DCHS2: variants seen among roughly 807,000 people sequenced by gnomAD.
DCHS2 encodes dachsous cadherin-related 2, also known as protocadherin-23.
Under a neutral mutation model 182.4 loss-of-function variants are expected in DCHS2, and 142 were observed. The observed-to-expected ratio is 0.78, with a 90% CI of 0.68 to 0.89. The LOEUF is 0.89. Among genes scored for constraint, DCHS2 ranks in the 40% least tolerant of loss-of-function variants. The pLI is 0.00. For missense variants in DCHS2, 4,319 were observed against 4,198.6 expected, an observed-to-expected ratio of 1.03 and a Z score of -0.79; for synonymous variants, 1,740 against 1,663.3, an observed-to-expected ratio of 1.05 and a Z score of -1.12.
At chr4:154,324,052 GTTAAACTT>G (rs1423058835) in intron 7 of DCHS2, among the ~76,000 whole-genome samples, 1 of 152,052 alleles carries the variant, frequency 6.6e-6, no homozygotes, top group Admixed American at 6.6e-5. Flanking sequence ...TGCTCGATGA[GTTAAACTT>G]TTATTTAACA....
chr4:154,462,240 T>C (rs959325395), intron 1 of DCHS2, among the ~76,000 whole-genome samples: 3 of 152,220 alleles, frequency 2.0e-5, no homozygotes, highest in East Asian at 1.9e-4. Flanking sequence ...ATAAATATTA[T>C]CTGACTCCTT....
chr4:154,285,552 A>G (rs1051731599), intron 13 of DCHS2, among the ~76,000 whole-genome samples: 3 of 152,190 alleles, frequency 2.0e-5, no homozygotes, highest in Non-Finnish European at 2.9e-5. Flanking sequence ...CAAGCTGAGT[A>G]AAGATTCCTT....
intron 1 of DCHS2, among the ~76,000 whole-genome samples, chr4:154,389,472 A>C (rs1195360826): frequency 7.5e-6 from 1 of 133,454 alleles, no homozygotes; most frequent in African/African-American, 2.7e-5. Context: ...CAGGTTTACT[A>C]TCCATGTATT....
chr4:154,305,203 G>T lies in DCHS2; in HGVS notation c.5289C>A (p.Ile1763=), dbSNP rs764272536. 3.7e-6 allele frequency: 6 copies of T among 1,611,580 alleles called. No homozygotes were observed. Among genetic ancestry groups the T allele is most frequent in the Non-Finnish European group, 5.1e-6 (6 of 1,179,200 alleles). ...ATAATTCAAATGAAGCACCTGGCAT[G>T]ATTTCAAACTGAAGCTTGGAATTGA... ...SGVNSKLQFE[I]MPGASFELFE... Residue 1763 remains isoleucine, a synonymous_variant, in exon 11 of 20, where the codon ATC becomes ATA. Coordinates refer to ENST00000357232, the MANE Select transcript of DCHS2 (RefSeq NM_001358235.2).
At chr4:154,411,591 C>CA (rs1424488252) in intron 1 of DCHS2, among the ~76,000 whole-genome samples, 147 of 143,904 alleles carry the variant, frequency 1.0e-3, no homozygotes, top group Middle Eastern at 3.4e-3. Flanking sequence ...GACTCCCTCT[C>CA]AAAAAAAAAA....
In DCHS2 at chr4:154,321,034, GTCTATT is replaced by G; in HGVS notation, c.4359_4364del (p.Glu1453_Ile1454del). ...AAAGAAACAAGTCTCCGGTTGAGCT[GTCTATT>G]TCAAAGTGTCCATCCTTATCATCTG... On this transcript the variant is annotated inframe_deletion, in exon 9 of 20. Coordinates refer to ENST00000357232, the MANE Select transcript of DCHS2 (RefSeq NM_001358235.2). 1 of 1,613,420 alleles carries G rather than the reference GTCTATT, an allele frequency of 6.2e-7. No individual in the cohort carries two copies.
At chr4:154,250,668 C>T (rs1732309678) in intron 16 of DCHS2, among the ~76,000 whole-genome samples, 1 of 152,106 alleles carries the variant, frequency 6.6e-6, no homozygotes, top group Non-Finnish European at 1.5e-5. Context: ...ATATTTGAAT[C>T]AATATTTTAG....
At chr4:154,348,408 G>A (rs899991095) in intron 3 of DCHS2, among the ~76,000 whole-genome samples, 13 of 151,904 alleles carry the variant, frequency 8.6e-5, no homozygotes, top group African/African-American at 4.9e-5. Flanking sequence ...GAAAAGAATC[G>A]AGTATTATTT....
intron 16 of DCHS2, among the ~76,000 whole-genome samples, chr4:154,248,519 A>G (rs1455876845): frequency 6.6e-6 from 1 of 152,160 alleles, no homozygotes; most frequent in Non-Finnish European, 1.5e-5. Flanking sequence ...TTTTTAAAAA[A>G]TGTATATATT....
rs1185840282 is a variant in DCHS2, at chr4:154,236,980, G to C, written c.7672C>G (p.Leu2558Val). The stretch of plus-strand genomic sequence containing the variant: ...CTTCCAACCAGAGCATCCTCACTTA[G>C]GCTAAGATTATAGGATTTGACTGTG... Reference protein sequence around the residue: ...EFTVKSYNLSLSEDALVGSTL... With the variant: ...EFTVKSYNLSVSEDALVGSTL... Residue 2558 changes from leucine (L) to valine (V), a missense_variant, in exon 20 of 20, where the codon CTA (leucine) becomes GTA (valine). Transcript: ENST00000357232. 5 of 1,613,906 alleles carry C rather than the reference G, an allele frequency of 3.1e-6. No individual in the cohort carries two copies. The highest frequency in any genetic ancestry group is 4.2e-6 in the Non-Finnish European group (5 of 1,179,932).
At chr4:154,285,161 C>A (rs575609220) in intron 13 of DCHS2, among the ~76,000 whole-genome samples, 1 of 152,180 alleles carries the variant, frequency 6.6e-6, no homozygotes, top group South Asian at 2.1e-4. Context: ...AAGGCAAATA[C>A]CTAGTCCTGA....
At chr4:154,441,040 T>C (rs1343223948) in intron 1 of DCHS2, among the ~76,000 whole-genome samples, 2 of 152,218 alleles carry the variant, frequency 1.3e-5, no homozygotes, top group African/African-American at 4.8e-5. Flanking sequence ...GAAAAATGAC[T>C]CAAACTTTTG....
chr4:154,298,054 T>C lies in DCHS2; in HGVS notation c.6260A>G (p.Asp2087Gly), dbSNP rs1304124935. Reference protein sequence around the residue: ...FAETQSMFSIDKYTGEIQFQQ... With the variant: ...FAETQSMFSIGKYTGEIQFQQ... Reference sequence around the variant, plus strand: ...AAATTGAATTTCTCCTGTGTATTTATCAATAGAAAACATTGACTGGGTCTC... The same window carrying C: ...AAATTGAATTTCTCCTGTGTATTTACCAATAGAAAACATTGACTGGGTCTC... Residue 2087 changes from aspartate (D) to glycine (G), a missense_variant, in exon 13 of 20, where the codon GAT becomes GGT. Coordinates refer to ENST00000357232, the MANE Select transcript of DCHS2 (RefSeq NM_001358235.2). 1 of 1,614,160 alleles carries C rather than the reference T, an allele frequency of 6.2e-7. No individual in the cohort carries two copies. The highest frequency in any genetic ancestry group is 8.5e-7 in the Non-Finnish European group (1 of 1,180,014).
chr4:154,398,459 TA>T (rs1404944196), intron 1 of DCHS2, among the ~76,000 whole-genome samples: 2 of 152,182 alleles, frequency 1.3e-5, no homozygotes, highest in East Asian at 3.9e-4. Flanking sequence ...TCCCTGTCTT[TA>T]AAGAACACAG....
intron 6 of DCHS2, among the ~76,000 whole-genome samples, 157 bp downstream of exon 6, chr4:154,329,366 T>C (rs1736418339): frequency 6.6e-6 from 1 of 152,214 alleles, no homozygotes; most frequent in Admixed American, 6.5e-5. Flanking sequence ...AAAATTTTCT[T>C]TTAAAATAAC....
chr4:154,311,977 T>A (rs1271762046), intron 10 of DCHS2, among the ~76,000 whole-genome samples: 1 of 151,806 alleles, frequency 6.6e-6, no homozygotes, highest in Non-Finnish European at 1.5e-5. Flanking sequence ...TTTTTGATAT[T>A]TATGCAAATA....
intron 1 of DCHS2, among the ~76,000 whole-genome samples, chr4:154,437,315 G>A (rs1426416923): frequency 2.6e-5 from 4 of 152,018 alleles, no homozygotes; most frequent in Non-Finnish European, 5.9e-5. Context: ...CCAAAACTTG[G>A]CCATCTCACT....
chr4:154,259,645 AC>A lies in DCHS2; in HGVS notation c.6688del (p.Val2230SerfsTer2). 1.2e-6 allele frequency: 2 copies of A among 1,614,066 alleles called. No individual in the cohort carries two copies. The highest frequency in any genetic ancestry group is 1.7e-6 in the Non-Finnish European group (2 of 1,180,024). ...SGHRAYCKVA[V>X]LIQDENDNSP... ...ATTATCATTCTCATCCTGTATCAAG[AC>A]TGCTACTTTGCAATAGGCTCTATGC... On this transcript the variant is annotated frameshift_variant, in exon 15 of 20. Coordinates refer to ENST00000357232, the MANE Select transcript of DCHS2 (RefSeq NM_001358235.2). LOFTEE classifies it high-confidence loss of function.
intron 2 of DCHS2, among the ~76,000 whole-genome samples, chr4:154,369,608 T>C (rs1042876121): frequency 1.3e-5 from 2 of 152,216 alleles, no homozygotes; most frequent in African/African-American, 4.8e-5. Context: ...TTAAAAACTA[T>C]ATAAGATAAT....
Sources: gnomAD v4.1 joint callset for allele counts (sites outside exome capture counted in the v4.1 genomes callset) on GRCh38, gnomAD v4.1.1 for gene constraint, MANE v1.5 for transcripts, NCBI Gene and HGNC (gene_info 2026-07-23, HGNC 2026-07-21) for gene names.